GK: variants seen among roughly 807,000 people sequenced by gnomAD.
The protein encoded by GK is glycerol kinase.
GK carries 9 observed loss-of-function variants against 56.4 expected under a neutral mutation model. The observed-to-expected ratio is 0.16, with a 90% CI of 0.10 to 0.28. The LOEUF is 0.28. GK is among the 10% of genes least tolerant of loss of function. GK has a pLI of 1.00. For synonymous variants in GK, 104 were observed against 144.1 expected (o/e 0.72, Z 1.99); for missense variants, 161 against 431.4 (o/e 0.37, Z 5.55).
At chrX:30,676,182 C>T (rs964430252) in intron 3 of GK, among the ~76,000 whole-genome samples, 10 of 112,517 alleles carry the variant, frequency 8.9e-5, no homozygotes, top group African/African-American at 2.9e-4. Context: ...AGCCATCCTC[C>T]TGCCTCAGCC....
chrX:30,681,940 C>A (rs1457334651), intron 4 of GK, among the ~76,000 whole-genome samples: 1 of 111,844 alleles, frequency 8.9e-6, no homozygotes, highest in Non-Finnish European at 1.9e-5. Context: ...ACTTGATACA[C>A]TAGGCAGCTA....
chrX:30,662,590 G>A (rs1460398042), intron 1 of GK, among the ~76,000 whole-genome samples: 1 of 111,976 alleles, frequency 8.9e-6, no homozygotes, highest in Non-Finnish European at 1.9e-5. Context: ...GGAGGTGATG[G>A]AAGAGGGGTC....
rs748827181 is a variant in GK at position 30,727,533 on chromosome X, C to T, written c.1650C>T (p.Ile550=). 8 of 1,167,993 alleles carry T rather than the reference C, an allele frequency of 6.8e-6. No homozygotes were observed. In the East Asian group the frequency reaches 1.2e-4, roughly 17 times the overall value. The change falls in exon 20 of 21, where the codon ATC becomes ATT. Residue 550 remains isoleucine, a synonymous_variant. Coordinates refer to ENST00000427190, the MANE Select transcript of GK (RefSeq NM_001205019.2). ...FFIVSSMVML[I]GARYISGIP ...TAGTGAGTAGCATGGTAATGTTAATCGGAGCAAGGTACATCTCAGGTTAGT... is the reference window on the plus strand; with the variant it reads ...TAGTGAGTAGCATGGTAATGTTAATTGGAGCAAGGTACATCTCAGGTTAGT...
At chrX:30,720,562 T>C in intron 16 of GK, 59 bp from the exon 17 acceptor site, 1 of 1,069,479 alleles carries the variant, frequency 9.4e-7, no homozygotes, top group Non-Finnish European at 1.3e-6. Context: ...AGGATTGCCA[T>C]TTTCAGAGAT....
intron 3 of GK, among the ~76,000 whole-genome samples, chrX:30,670,531 C>T (rs902717013): frequency 1.8e-5 from 2 of 111,669 alleles, no homozygotes; most frequent in Admixed American, 9.6e-5. Context: ...TCCATCTGTA[C>T]AACTACCATC....
intron 18 of GK, chrX:30,721,266 A>G: frequency 2.7e-6 from 1 of 367,247 alleles, no homozygotes. Flanking sequence ...TAATACTGCC[A>G]CACTGTCAGG....
rs772942427 is a variant in GK, at chrX:30,668,097, A to G, written c.238A>G (p.Ile80Val). 2.0e-5 allele frequency: 21 copies of G among 1,031,362 alleles called. No individual in the cohort carries two copies. The East Asian group carries it at 5.1e-4, about 25-fold the overall frequency. 85.0% of individuals were successfully genotyped at this position (1,031,362 alleles called of 1,213,427 possible). A position where few individuals can be genotyped will look rare whatever the true frequency, so the allele number is the denominator to read the frequency against. ...KTCEKLGQLN[I>V]DISNIKAIGV... Reference sequence around the variant, plus strand: ...ATGTGAGAAACTTGGACAGCTCAATATTGATATTTCCAACATAAAAGGTAT... The same window carrying G: ...ATGTGAGAAACTTGGACAGCTCAATGTTGATATTTCCAACATAAAAGGTAT... Residue 80 changes from isoleucine (I) to valine (V), a missense_variant, in exon 3 of 21, where the codon ATT (isoleucine) becomes GTT (valine). Transcript: ENST00000427190.
At chrX:30,728,694 G>C in intron 20 of GK, 38 bp from the exon 21 acceptor site, 1 of 982,431 alleles carries the variant, frequency 1.0e-6, no homozygotes, top group Non-Finnish European at 1.5e-6. Flanking sequence ...TTGTATGCAT[G>C]TATTATTGAC....
chrX:30,689,557 G>A (rs942286688), intron 4 of GK: 4 of 329,523 alleles, frequency 1.2e-5, no homozygotes, highest in African/African-American at 8.0e-5. Context: ...GCCTTTTCTG[G>A]GATGGCTCCT....
chrX:30,690,959 A>G (rs1360335444), intron 4 of GK, among the ~76,000 whole-genome samples, 164 bp from the exon 5 acceptor site: 1 of 112,284 alleles, frequency 8.9e-6, no homozygotes, highest in Non-Finnish European at 1.9e-5. Flanking sequence ...TTATCTAACA[A>G]TATGCCCATT....
intron 1 of GK, among the ~76,000 whole-genome samples, chrX:30,662,234 T>C (rs1201950477): frequency 5.3e-5 from 6 of 112,850 alleles, no homozygotes; most frequent in African/African-American, 1.6e-4. Flanking sequence ...TTTATAGATA[T>C]ATTGGCTTAA....
At chrX:30,659,366 G>A (rs1482454219) in intron 1 of GK, among the ~76,000 whole-genome samples, 1 of 112,684 alleles carries the variant, frequency 8.9e-6, no homozygotes, top group African/African-American at 3.2e-5. Context: ...AATTTCATTT[G>A]CTATGTTTTC....
intron 19 of GK, among the ~76,000 whole-genome samples, chrX:30,726,126 T>G (rs769205794): frequency 9.0e-6 from 1 of 111,544 alleles, no homozygotes; most frequent in Non-Finnish European, 1.9e-5. Context: ...GAATTTAAAA[T>G]ACTAAGAAAA....
chrX:30,696,855 T>C (rs1020758740), intron 8 of GK, 172 bp downstream of exon 8: 2 of 456,872 alleles, frequency 4.4e-6, no homozygotes, highest in African/African-American at 4.9e-5. Flanking sequence ...TTACAATGGA[T>C]TTGCATTTAT....
At chrX:30,723,361 C>T (rs1415711522) in intron 18 of GK, among the ~76,000 whole-genome samples, 1 of 108,227 alleles carries the variant, frequency 9.2e-6, no homozygotes, top group Non-Finnish European at 1.9e-5. Flanking sequence ...CACCACTGCA[C>T]TCCAGCCTGG....
intron 1 of GK, among the ~76,000 whole-genome samples, chrX:30,654,883 A>G (rs749377318): frequency 8.9e-6 from 1 of 112,325 alleles, no homozygotes; most frequent in African/African-American, 3.2e-5. Flanking sequence ...TTTACCGCAA[A>G]TCATGTTTTC....
rs1486469105 is a variant in GK at position 30,707,432 on chromosome X, T to C, written c.852-124T>C. 1.0e-5 allele frequency: 5 copies of C among 480,074 alleles called. No individual in the cohort carries two copies. In the African/African-American group the frequency reaches 1.2e-4, roughly 12 times the overall value. The allele number at this position is 480,074 out of a possible 1,213,427, so 39.6% of individuals were successfully genotyped here. A position where few individuals can be genotyped will look rare whatever the true frequency, so the allele number is the denominator to read the frequency against. The stretch of plus-strand genomic sequence containing the variant: ...TGATTTTTGTTAACTTTAGGAACTT[T>C]TATAAAACTATAATGACTTTTTTGG... On this transcript the variant is annotated intron_variant, in intron 11 of 20. Coordinates refer to ENST00000427190, the MANE Select transcript of GK (RefSeq NM_001205019.2).
At chrX:30,656,879 CT>C (rs1932328858) in intron 1 of GK, among the ~76,000 whole-genome samples, 1 of 112,413 alleles carries the variant, frequency 8.9e-6, no homozygotes, top group Admixed American at 9.5e-5. Context: ...GAGACAGAAT[CT>C]CGCTCTGTAG....
intron 3 of GK, among the ~76,000 whole-genome samples, chrX:30,675,449 G>A (rs935556616): frequency 2.8e-5 from 3 of 108,067 alleles, no homozygotes; most frequent in South Asian, 4.1e-4. Flanking sequence ...CACCCACCTC[G>A]GCCTCCCAAA....
Sources: gnomAD v4.1 joint callset for allele counts (sites outside exome capture counted in the v4.1 genomes callset) on GRCh38, gnomAD v4.1.1 for gene constraint, MANE v1.5 for transcripts, NCBI Gene and HGNC (gene_info 2026-07-23, HGNC 2026-07-21) for gene names.